Variants in CFAP300 observed in about 807,000 individuals in gnomAD.
CFAP300 encodes cilia- and flagella-associated protein 300.
Under a neutral mutation model 33.0 loss-of-function variants are expected in CFAP300, and 32 were observed. The ratio of observed to expected loss-of-function variants is 0.97; its 90% CI spans 0.73 to 1.30. The LOEUF (loss-of-function observed/expected upper bound fraction) is 1.30, where lower values mean the gene tolerates loss of function less well. Ranked by LOEUF, CFAP300 falls within the 50% of genes most tolerant of loss-of-function variation. The pLI, the probability that CFAP300 is intolerant of heterozygous loss-of-function variation, is 0.00. For missense variants in CFAP300, 356 were observed against 318.1 expected (o/e 1.12, Z -0.90); for synonymous variants, 102 against 106.8 (o/e 0.95, Z 0.28).
rs948400577 is a variant in CFAP300 at position 102,084,452 on chromosome 11, C to G, written c.*1253C>G. On this transcript the variant is annotated 3_prime_UTR_variant, in exon 7 of 7. Transcript: ENST00000434758. ...TATGTTTTACTTCTAATACCTAACA[C>G]AATGACTTGGCATATTAAATGTTTA... The G allele has an allele frequency of 6.6e-6, 1 of 152,204 alleles. No individual in the cohort carries two copies. Among genetic ancestry groups the G allele is most frequent in the Non-Finnish European group, 1.5e-5 (1 of 68,048 alleles). The allele number at this position is 152,204 out of a possible 1,614,324, so 9.4% of individuals were successfully genotyped here. A position where few individuals can be genotyped will look rare whatever the true frequency, so the allele number is the denominator to read the frequency against.
At chr11:102,070,215 T>G (rs977448235) in intron 4 of CFAP300, among the ~76,000 whole-genome samples, 1 of 152,174 alleles carries the variant, frequency 6.6e-6, no homozygotes, top group Non-Finnish European at 1.5e-5. Flanking sequence ...CAATTAAGTA[T>G]GGACTGCTTT....
In CFAP300 at chr11:102,075,923, T is replaced by G; in HGVS notation, c.486T>G (p.Asp162Glu). The G allele has an allele frequency of 1.9e-6, 3 of 1,613,834 alleles. No individual in the cohort carries two copies. Among genetic ancestry groups the G allele is most frequent in the Non-Finnish European group, 2.5e-6 (3 of 1,179,876 alleles). ...AATATGAAATATTCAGCCAACCAGA[T>G]AGAGAAGAGTTCCTGTTTTGTCTTT... Reference protein sequence around the residue: ...SEKYEIFSQPDREEFLFCLFK... With the variant: ...SEKYEIFSQPEREEFLFCLFK... The change falls in exon 5 of 7, where the codon GAT becomes GAG. Residue 162 changes from aspartate (D) to glutamate (E), a missense_variant. Coordinates refer to ENST00000434758, the MANE Select transcript of CFAP300 (RefSeq NM_032930.3).
At chr11:102,053,674 G>A (rs190430859) in intron 2 of CFAP300, among the ~76,000 whole-genome samples, 187 of 152,350 alleles carry the variant, frequency 1.2e-3, no homozygotes, top group African/African-American at 4.2e-3. Context: ...GAAGCCAGGA[G>A]TCTGAGACCA....
chr11:102,079,312 A>T (rs977458201), intron 5 of CFAP300, among the ~76,000 whole-genome samples: 1 of 152,228 alleles, frequency 6.6e-6, no homozygotes, highest in Non-Finnish European at 1.5e-5. Flanking sequence ...AAAGTATTTT[A>T]TATATAGTGG....
At chr11:102,050,715 G>T (rs1333740546) in intron 2 of CFAP300, among the ~76,000 whole-genome samples, 1 of 152,240 alleles carries the variant, frequency 6.6e-6, no homozygotes, top group African/African-American at 2.4e-5. Context: ...TAAAAGACAG[G>T]ACTCTTAAGG....
chr11:102,052,222 A>G (rs1415096326), intron 2 of CFAP300, among the ~76,000 whole-genome samples: 1 of 152,186 alleles, frequency 6.6e-6, no homozygotes, highest in Non-Finnish European at 1.5e-5. Context: ...GACATCTAAC[A>G]TGTAACTGTT....
At position 102,047,845 on chromosome 11, in the gene CFAP300, G is replaced by T. The variant is rs1348042236; in HGVS notation, c.141G>T (p.Ala47=). 1 of 1,614,190 alleles carries T rather than the reference G, an allele frequency of 6.2e-7. No individual in the cohort carries two copies. The highest frequency in any genetic ancestry group is 2.2e-5 in the East Asian group (1 of 44,878). ...TGCTGGGCAGAATCAAGGCGCAGGC[G>T]TTCGGCTTTGACCAGACCTTTCAGT... ...WSMLGRIKAQ[A]FGFDQTFQSY... is the part of the protein sequence containing the mutation. The change falls in exon 2 of 7, where the codon GCG becomes GCT. Residue 47 remains alanine (A), a synonymous_variant. Coordinates refer to ENST00000434758, the MANE Select transcript of CFAP300 (RefSeq NM_032930.3).
intron 2 of CFAP300, among the ~76,000 whole-genome samples, chr11:102,055,671 CTTT>C (rs1264720064): frequency 1.8e-5 from 2 of 112,584 alleles, no homozygotes. Flanking sequence ...CTAAACTACC[CTTT>C]TTTTTTTTTT....
In CFAP300 at chr11:102,081,095, T is replaced by C. The variant is rs1942466824; in HGVS notation, c.609-120T>C. 7.5e-6 allele frequency: 5 copies of C among 664,380 alleles called. No individual in the cohort carries two copies. In the South Asian group the frequency reaches 1.4e-4, roughly 19 times the overall value. The allele number at this position is 664,380 out of a possible 1,614,324, so 41.2% of individuals were successfully genotyped here. On this transcript the variant is annotated intron_variant, in intron 5 of 6. Coordinates refer to ENST00000434758, the MANE Select transcript of CFAP300 (RefSeq NM_032930.3). ...CATTTTTTCAAACCACTTAGTTGGA[T>C]AGTATGTATTTCCATGTTCTATATG... is the stretch of plus-strand genomic sequence containing the variant.
chr11:102,057,156 G>A (rs773018336), intron 2 of CFAP300, among the ~76,000 whole-genome samples: 3 of 151,648 alleles, frequency 2.0e-5, no homozygotes, highest in African/African-American at 7.3e-5. Context: ...TAGCCAACAT[G>A]GTGAAACCCC....
At position 102,070,305 on chromosome 11, in the gene CFAP300, C is replaced by T. The variant is rs75520052; in HGVS notation, c.435+3654C>T. Among the ~76,000 whole-genome samples the T allele has an allele frequency of 1.6e-3, 241 of 152,262 alleles. 1 individual carries two copies. Among genetic ancestry groups the T allele is most frequent in the African/African-American group, 5.7e-3 (235 of 41,552 alleles). On this transcript the variant is annotated intron_variant, in intron 4 of 6. Coordinates refer to ENST00000434758, the MANE Select transcript of CFAP300 (RefSeq NM_032930.3). Reference sequence around the variant, plus strand: ...TAAATAAACTGTGTATGGACAACACCATAGAGTTGAGTTTTTTAAATACTT... The same window carrying T: ...TAAATAAACTGTGTATGGACAACACTATAGAGTTGAGTTTTTTAAATACTT...
chr11:102,082,569 G>A (rs1211467552), intron 6 of CFAP300, among the ~76,000 whole-genome samples: 1 of 152,054 alleles, frequency 6.6e-6, no homozygotes, highest in Non-Finnish European at 1.5e-5. Flanking sequence ...AGTAGACTGT[G>A]CTGTCCATAA....
chr11:102,062,849 T>C (rs1250165685), intron 3 of CFAP300, among the ~76,000 whole-genome samples: 1 of 152,100 alleles, frequency 6.6e-6, no homozygotes, highest in African/African-American at 2.4e-5. Flanking sequence ...AAGTCAGGAA[T>C]AGAGATGGAA....
chr11:102,078,293 G>T (rs1219708068), intron 5 of CFAP300, among the ~76,000 whole-genome samples: 3 of 152,124 alleles, frequency 2.0e-5, no homozygotes, highest in Non-Finnish European at 2.9e-5. Context: ...AATCGCAAAT[G>T]ACATTGACAA....
At chr11:102,080,110 T>C (rs1366688427) in intron 5 of CFAP300, among the ~76,000 whole-genome samples, 1 of 152,100 alleles carries the variant, frequency 6.6e-6, no homozygotes, top group African/African-American at 2.4e-5. Flanking sequence ...AGCAAGACTT[T>C]GTCTCTACAA....
At chr11:102,061,055 C>T (rs1279118932) in intron 3 of CFAP300, among the ~76,000 whole-genome samples, 1 of 152,124 alleles carries the variant, frequency 6.6e-6, no homozygotes, top group Non-Finnish European at 1.5e-5. Context: ...AAGTGCTCAA[C>T]CCTCTCCCCA....
chr11:102,063,161 GCC>G (rs1237132580), intron 3 of CFAP300, among the ~76,000 whole-genome samples: 5 of 152,226 alleles, frequency 3.3e-5, no homozygotes, highest in Admixed American at 6.5e-5. Context: ...GCCACCCGGA[GCC>G]TTCAGGGCTC....
intron 2 of CFAP300, among the ~76,000 whole-genome samples, chr11:102,054,684 G>A (rs1462109272): frequency 1.6e-5 from 2 of 125,690 alleles, no homozygotes; most frequent in Admixed American, 1.0e-4. Context: ...AGCTGAGATC[G>A]AACCATTGCA....
At chr11:102,061,840 G>GT (rs2135027886) in intron 3 of CFAP300, among the ~76,000 whole-genome samples, 1 of 152,272 alleles carries the variant, frequency 6.6e-6, no homozygotes, top group South Asian at 2.1e-4. Context: ...TATAATGCTA[G>GT]TACTAGGGAA....
Sources: gnomAD v4.1 joint callset for allele counts (sites outside exome capture counted in the v4.1 genomes callset) on GRCh38, gnomAD v4.1.1 for gene constraint, MANE v1.5 for transcripts, NCBI Gene and HGNC (gene_info 2026-07-23, HGNC 2026-07-21) for gene names.